RUBCN: variants seen among roughly 807,000 people sequenced by gnomAD.
RUBCN encodes run domain Beclin-1-interacting and cysteine-rich domain-containing protein.
In RUBCN, 74 loss-of-function variants were observed where a neutral mutation model predicts 113.2. That is an observed-to-expected ratio of 0.65 (90% CI 0.54 to 0.79). The LOEUF (loss-of-function observed/expected upper bound fraction) is 0.79, where lower values mean the gene tolerates loss of function less well. RUBCN is among the 30% of genes least tolerant of loss of function. The pLI is 0.00. For synonymous variants in RUBCN, 480 were observed against 490.0 expected (o/e 0.98, Z 0.27); for missense variants, 1,109 against 1,251.7 (o/e 0.89, Z 1.72).
chr3:197,704,421 C>A, intron 4 of RUBCN, 121 bp downstream of exon 4: 1 of 932,994 alleles, frequency 1.1e-6, no homozygotes, highest in South Asian at 1.3e-5. Context: ...GTGACAAGAG[C>A]GTAAGTCCAT....
At chr3:197,715,868 C>A (rs1010266811) in intron 2 of RUBCN, among the ~76,000 whole-genome samples, 1 of 152,188 alleles carries the variant, frequency 6.6e-6, no homozygotes, top group Non-Finnish European at 1.5e-5. Context: ...CACATTAATT[C>A]TTTCTTCCCA....
upstream of RUBCN, among the ~76,000 whole-genome samples, chr3:197,741,756 G>C (rs1373304337): frequency 6.6e-6 from 1 of 151,516 alleles, no homozygotes; most frequent in Non-Finnish European, 1.5e-5. Flanking sequence ...CCAGGAGGTG[G>C]ACATTGCAGT....
chr3:197,686,771 T>A (rs748983099), intron 11 of RUBCN, among the ~76,000 whole-genome samples: 2 of 152,216 alleles, frequency 1.3e-5, no homozygotes, highest in Non-Finnish European at 2.9e-5. Flanking sequence ...AACTTTTTAT[T>A]GATTTTTTTG....
chr3:197,749,337 T>G, exon 1 of RUBCN: 2 of 1,149,470 alleles, frequency 1.7e-6, no homozygotes, highest in Admixed American at 3.8e-5. Context: ...AGAGTGCCGA[T>G]TGAGAGAAGG....
intron 7 of RUBCN, 115 bp from the exon 8 acceptor site, chr3:197,697,164 G>A: frequency 1.5e-6 from 1 of 681,710 alleles, no homozygotes; most frequent in Non-Finnish European, 2.7e-6. Context: ...CTCCCAAGCA[G>A]GAGAGAGGCG....
chr3:197,727,587 C>T (rs933507883), intron 1 of RUBCN, among the ~76,000 whole-genome samples: 4 of 152,200 alleles, frequency 2.6e-5, no homozygotes, highest in Non-Finnish European at 5.9e-5. Context: ...ATCTCCACTG[C>T]GTTTAAACCA....
chr3:197,726,962 C>CT (rs1309468654), intron 1 of RUBCN, among the ~76,000 whole-genome samples: 1 of 128,108 alleles, frequency 7.8e-6, no homozygotes, highest in Non-Finnish European at 1.6e-5. Context: ...TTTTTTGAGA[C>CT]TGAGTTTTGC....
intron 2 of RUBCN, among the ~76,000 whole-genome samples, chr3:197,706,813 T>C (rs928506789): frequency 6.6e-6 from 1 of 152,222 alleles, no homozygotes; most frequent in Non-Finnish European, 1.5e-5. Flanking sequence ...GGTGCTTCTT[T>C]GTAAAAAGTC....
At position 197,705,093 on chromosome 3, in the gene RUBCN, T is replaced by G; in HGVS notation, c.302A>C (p.Lys101Thr). 5.0e-6 allele frequency: 8 copies of G among 1,613,058 alleles called. No homozygotes were observed. Among genetic ancestry groups the G allele is most frequent in the Non-Finnish European group, 6.8e-6 (8 of 1,179,180 alleles). Residue 101 changes from lysine to threonine, a missense_variant and splice_region_variant, in exon 3 of 20, where the codon AAG (lysine) becomes ACG (threonine). Physicochemically the swap from Lys to Thr is moderately conservative, Grantham distance 78. Coordinates refer to ENST00000296343, the MANE Select transcript of RUBCN (RefSeq NM_014687.4). ...LSPHSALHVEKFISVHENDQS... is the reference protein window; with the variant it reads ...LSPHSALHVETFISVHENDQS... ...CAGCCGCTCTGCTCTCACTCTTACCTTCTCCACGTGAAGGGCTGAGTGGGG... is the reference window on the plus strand; with the variant it reads ...CAGCCGCTCTGCTCTCACTCTTACCGTCTCCACGTGAAGGGCTGAGTGGGG...
chr3:197,687,670 C>A (rs1012385915), intron 11 of RUBCN, among the ~76,000 whole-genome samples: 19 of 152,220 alleles, frequency 1.2e-4, no homozygotes, highest in African/African-American at 4.3e-4. Context: ...TCGGCACCTG[C>A]CGGAAGAGCT....
intron 14 of RUBCN, among the ~76,000 whole-genome samples, chr3:197,682,253 TG>T (rs1236515250): frequency 2.0e-5 from 3 of 152,140 alleles, no homozygotes; most frequent in Non-Finnish European, 4.4e-5. Flanking sequence ...AGGTTGGGAA[TG>T]CCAGCAAAAC....
intron 14 of RUBCN, 120 bp downstream of exon 14, chr3:197,682,350 A>C: frequency 8.2e-7 from 1 of 1,215,590 alleles, no homozygotes; most frequent in Non-Finnish European, 1.2e-6. Context: ...TCTGCCTTTA[A>C]ATGAAGAGAA....
chr3:197,740,674 G>A (rs777121491), upstream of RUBCN, among the ~76,000 whole-genome samples: 14 of 151,480 alleles, frequency 9.2e-5, no homozygotes, highest in Non-Finnish European at 1.6e-4. Flanking sequence ...AGGCTGGAGT[G>A]CAGTGGCACA....
chr3:197,710,736 T>C (rs1264219456), intron 2 of RUBCN, among the ~76,000 whole-genome samples: 1 of 150,814 alleles, frequency 6.6e-6, no homozygotes, highest in Non-Finnish European at 1.5e-5. Context: ...CTACTGAAAA[T>C]AGGAATAAAA....
chr3:197,677,955 C>G (rs1166226764), intron 16 of RUBCN, among the ~76,000 whole-genome samples: 1 of 141,892 alleles, frequency 7.0e-6, no homozygotes, highest in South Asian at 2.6e-4. Context: ...CGCTCTAACT[C>G]GACACCTGGC....
chr3:197,701,710 G>C lies in RUBCN; in HGVS notation c.725C>G (p.Ser242Ter), dbSNP rs1375263034. 1 of 1,613,912 alleles carries C rather than the reference G, an allele frequency of 6.2e-7. No homozygotes were observed. The highest frequency in any genetic ancestry group is 8.5e-7 in the Non-Finnish European group (1 of 1,179,810). The change falls in exon 6 of 20, where the codon TCA becomes TGA. Residue 242 changes from serine (S) to a stop codon, truncating the protein, a stop_gained and splice_region_variant. Coordinates refer to ENST00000296343, the MANE Select transcript of RUBCN (RefSeq NM_014687.4). LOFTEE classifies it high-confidence loss of function. ...ACCACTTTTTCCTGTCCCCATACCT[G>C]AGCCATTGTTGGGCACGGATTGGTG... Reference protein sequence around the residue: ...SLHQSVPNNGSERRSTSFPLS... With the variant: ...SLHQSVPNNG
chr3:197,740,669 G>A (rs1166532828), upstream of RUBCN, among the ~76,000 whole-genome samples: 1 of 151,336 alleles, frequency 6.6e-6, no homozygotes, highest in Non-Finnish European at 1.5e-5. Flanking sequence ...TGCCCAGGCT[G>A]GAGTGCAGTG....
At position 197,683,507 on chromosome 3, in the gene RUBCN, T is replaced by C. The variant is rs1721499265; in HGVS notation, c.1848-68A>G. 4 of 1,583,966 alleles carry C rather than the reference T, an allele frequency of 2.5e-6. No homozygotes were observed. The highest frequency in any genetic ancestry group is 8.6e-7 in the Non-Finnish European group (1 of 1,157,886). The stretch of plus-strand genomic sequence containing the variant: ...ATGGGCGATGCGAGGCTTCCCTTCA[T>C]GATCTCATCCCCCACGCAGCAACTT... On this transcript the variant is annotated intron_variant, in intron 12 of 19. Transcript: ENST00000296343. This position sits in a 1 kb window ranked among gnomAD's most constrained non-coding sequence, Gnocchi z 4.6.
chr3:197,679,475 C>T (rs1338599926), intron 16 of RUBCN, among the ~76,000 whole-genome samples: 1 of 150,920 alleles, frequency 6.6e-6, no homozygotes, highest in Admixed American at 6.6e-5. Flanking sequence ...TCCAGACTGT[C>T]CTACGCTCTG....
Sources: allele counts gnomAD v4.1 joint callset (sites outside exome capture counted in the v4.1 genomes callset), GRCh38; gene constraint gnomAD v4.1.1; non-coding constraint Gnocchi (gnomAD v3.1); transcripts MANE v1.5; gene names NCBI Gene and HGNC (gene_info 2026-07-23, HGNC 2026-07-21).